SCNN1B: variants seen among roughly 807,000 people sequenced by gnomAD.
The protein encoded by SCNN1B is sodium channel epithelial 1 subunit beta.
Under a neutral mutation model 65.3 loss-of-function variants are expected in SCNN1B, and 46 were observed. The observed-to-expected ratio is 0.70, with a 90% CI of 0.56 to 0.90. SCNN1B has a LOEUF of 0.90. Among genes scored for constraint, SCNN1B ranks in the 40% least tolerant of loss-of-function variants. The pLI, the probability that SCNN1B is intolerant of heterozygous loss-of-function variation, is 0.00. For missense variants in SCNN1B, 751 were observed against 830.5 expected (o/e 0.90, Z 1.18); for synonymous variants, 349 against 330.6 (o/e 1.06, Z -0.60).
chr16:23,315,438 C>T (rs1961433494), intron 1 of SCNN1B, among the ~76,000 whole-genome samples: 1 of 152,100 alleles, frequency 6.6e-6, no homozygotes. Context: ...ACTGCGATGC[C>T]ATGAAACCCA....
At chr16:23,370,660 C>T (rs1962763193) in intron 5 of SCNN1B, among the ~76,000 whole-genome samples, 1 of 152,174 alleles carries the variant, frequency 6.6e-6, no homozygotes. Context: ...ACAACCAAGA[C>T]CCTGACACCT....
At chr16:23,323,465 G>A (rs1474288400) in intron 1 of SCNN1B, 10 of 695,454 alleles carry the variant, frequency 1.4e-5, no homozygotes, top group Non-Finnish European at 2.6e-5. Context: ...CTCTCTCCAT[G>A]CCAGACACTG....
intron 4 of SCNN1B, among the ~76,000 whole-genome samples, chr16:23,355,965 G>A (rs1962412099): frequency 6.6e-6 from 1 of 151,868 alleles, no homozygotes; most frequent in Non-Finnish European, 1.5e-5. Flanking sequence ...AAGGAAGGAG[G>A]AAAAAGTTAA....
chr16:23,333,707 C>T (rs569538465), intron 1 of SCNN1B, among the ~76,000 whole-genome samples: 58 of 152,186 alleles, frequency 3.8e-4, no homozygotes, highest in African/African-American at 1.3e-3. Context: ...TGCAATGGCT[C>T]GCACTTGTAA....
At chr16:23,360,204 AT>A (rs1962514124) in intron 4 of SCNN1B, among the ~76,000 whole-genome samples, 1 of 134,094 alleles carries the variant, frequency 7.5e-6, no homozygotes, top group Non-Finnish European at 1.7e-5. Flanking sequence ...TCTCAAAAAA[AT>A]AAATAAATAA....
chr16:23,312,571 G>A (rs928261655), intron 1 of SCNN1B, among the ~76,000 whole-genome samples: 2 of 152,154 alleles, frequency 1.3e-5, no homozygotes, highest in African/African-American at 4.8e-5. Flanking sequence ...GCCCTGCTTG[G>A]AGAAGGGATG....
chr16:23,372,769 G>A (rs1962811724), intron 7 of SCNN1B, among the ~76,000 whole-genome samples: 1 of 150,458 alleles, frequency 6.6e-6, no homozygotes, highest in Admixed American at 6.7e-5. Flanking sequence ...TGGGATAACA[G>A]GCATGAGCCA....
chr16:23,330,633 C>T lies in SCNN1B; in HGVS notation c.-8-17959C>T, dbSNP rs572546002. On this transcript the variant is annotated intron_variant, in intron 1 of 12. Transcript: ENST00000343070. ...TGGTGCCCGGGCTGGAGTGCAGTGG[C>T]GCGATCATAGTTCACTGCAGCCTCC... Among the ~76,000 whole-genome samples the T allele has an allele frequency of 5.9e-5, 9 of 152,044 alleles. No homozygotes were observed. The East Asian group carries it at 9.7e-4, about 16-fold the overall frequency.
chr16:23,290,486 G>A (rs1488050162), intron 2 of SCNN1B, among the ~76,000 whole-genome samples: 2 of 151,990 alleles, frequency 1.3e-5, no homozygotes, highest in African/African-American at 2.4e-5. Context: ...TTTTCTGTTT[G>A]TTGTAGAGAC....
In SCNN1B at chr16:23,291,475, AGTGT is replaced by A. The variant is rs71858801; in HGVS notation, n.178+7696_178+7699del. On this transcript the variant is annotated intron_variant and non_coding_transcript_variant, in intron 2 of 3. Transcript: ENST00000569789. ...ATCCATATATATATGTGTGTGTGTA[AGTGT>A]GTGTGTGTGTGTGTGTGTGTGTGTA... Among the ~76,000 whole-genome samples, 287 of 145,498 alleles carry A rather than the reference AGTGT, an allele frequency of 2.0e-3. 1 individual carries two copies. Among genetic ancestry groups the A allele is most frequent in the South Asian group, 6.7e-3 (31 of 4,598 alleles).
At chr16:23,375,186 G>A (rs1200640593) in intron 7 of SCNN1B, among the ~76,000 whole-genome samples, 1 of 152,128 alleles carries the variant, frequency 6.6e-6, no homozygotes, top group Non-Finnish European at 1.5e-5. Flanking sequence ...CGCCCCACCA[G>A]GAGACATTCT....
chr16:23,283,055 T>C (rs1960803737), intron 1 of SCNN1B, among the ~76,000 whole-genome samples: 1 of 152,234 alleles, frequency 6.6e-6, no homozygotes, highest in Non-Finnish European at 1.5e-5. Context: ...CAAGTTGAAA[T>C]GCATTTGATA....
intron 8 of SCNN1B, among the ~76,000 whole-genome samples, chr16:23,376,359 TG>T (rs1962895509): frequency 6.6e-6 from 1 of 152,034 alleles, no homozygotes; most frequent in Non-Finnish European, 1.5e-5. Context: ...TGTGTGTGTG[TG>T]TGTGTGTGTG....
At chr16:23,278,895 G>A (rs912776394) in intron 1 of SCNN1B, among the ~76,000 whole-genome samples, 13 of 151,660 alleles carry the variant, frequency 8.6e-5, no homozygotes, top group Admixed American at 2.0e-4. Flanking sequence ...AGCTATGATC[G>A]TACCACTGCA....
At chr16:23,375,665 C>A in intron 7 of SCNN1B, 73 bp from the exon 8 acceptor site, 2 of 1,069,762 alleles carry the variant, frequency 1.9e-6, no homozygotes, top group Non-Finnish European at 2.9e-6. Flanking sequence ...TCTCTGGACA[C>A]CCCTGGTGCT....
intron 1 of SCNN1B, among the ~76,000 whole-genome samples, chr16:23,332,320 C>A (rs1404110886): frequency 6.6e-6 from 1 of 151,966 alleles, no homozygotes; most frequent in Non-Finnish European, 1.5e-5. Flanking sequence ...CTCAGCCTCC[C>A]GAGTAGCTGG....
intron 1 of SCNN1B, among the ~76,000 whole-genome samples, chr16:23,310,637 A>G (rs1961321394): frequency 6.6e-6 from 1 of 152,192 alleles, no homozygotes; most frequent in Admixed American, 6.5e-5. Context: ...TGATTGCACC[A>G]CTGCACTCCA....
intron 2 of SCNN1B, among the ~76,000 whole-genome samples, chr16:23,288,558 C>A (rs1481561652): frequency 1.3e-5 from 2 of 152,144 alleles, no homozygotes; most frequent in South Asian, 4.1e-4. Flanking sequence ...AATCTCAGCA[C>A]TTTGGGAGGC....
chr16:23,337,861 G>T (rs921115401), intron 1 of SCNN1B, among the ~76,000 whole-genome samples: 1 of 151,962 alleles, frequency 6.6e-6, no homozygotes, highest in Admixed American at 6.6e-5. Flanking sequence ...GAACCCAGGA[G>T]TTCAAGACCA....
Sources: gnomAD v4.1 joint callset for allele counts (sites outside exome capture counted in the v4.1 genomes callset) on GRCh38, gnomAD v4.1.1 for gene constraint, MANE v1.5 for transcripts, NCBI Gene and HGNC (gene_info 2026-07-23, HGNC 2026-07-21) for gene names.